The following SLIT3 variants were observed in gnomAD, a reference collection of about 807,000 sequenced individuals.
The protein encoded by SLIT3 is slit guidance ligand 3.
A neutral mutation model predicts 184.0 loss-of-function variants in SLIT3; 68 were observed. That is an observed-to-expected ratio of 0.37 (90% CI 0.30 to 0.45). The LOEUF is 0.45. SLIT3 is among the 20% of genes least tolerant of loss of function. SLIT3 has a pLI of 1.00. For synonymous variants in SLIT3, 831 were observed against 828.6 expected, an observed-to-expected ratio of 1.00 and a Z score of -0.05; for missense variants, 1,707 against 2,026.0, an observed-to-expected ratio of 0.84 and a Z score of 3.02.
intron 4 of SLIT3, among the ~76,000 whole-genome samples, chr5:168,945,577 G>T (rs1016206828): frequency 3.9e-5 from 6 of 152,166 alleles, no homozygotes; most frequent in African/African-American, 1.4e-4. Context: ...ACACATTCTG[G>T]CCTGGCCTCT....
chr5:168,958,752 A>C, intron 4 of SLIT3, among the ~76,000 whole-genome samples: 1 of 152,352 alleles, frequency 6.6e-6, no homozygotes, highest in South Asian at 2.1e-4. Flanking sequence ...GGGGCAATTC[A>C]ATGGTTTGTG....
chr5:168,973,978 G>C (rs1035071430), intron 4 of SLIT3, among the ~76,000 whole-genome samples: 1 of 152,224 alleles, frequency 6.6e-6, no homozygotes, highest in East Asian at 1.9e-4. Flanking sequence ...GAAAAATACG[G>C]GTAACTAGAA....
Position 169,091,411 on chromosome 5 carries a change from G to A in SLIT3, c.413+102068C>T, listed in dbSNP as rs76263210. On this transcript the variant is annotated intron_variant, in intron 4 of 35. Coordinates refer to ENST00000519560, the MANE Select transcript of SLIT3 (RefSeq NM_003062.4). The stretch of plus-strand genomic sequence containing the variant: ...TTCCTGACAATAAGGGGGAGCCATG[G>A]AGAAAAAGACACCTCTTCCATCCTG... 6.9e-3 allele frequency among the ~76,000 whole-genome samples: 1,056 copies of A among 152,172 alleles called. 10 individuals carry two copies. Among genetic ancestry groups the A allele is most frequent in the African/African-American group, 0.023 (948 of 41,530 alleles).
chr5:168,731,659 A>T (rs974883118), intron 20 of SLIT3, among the ~76,000 whole-genome samples: 2 of 152,106 alleles, frequency 1.3e-5, no homozygotes, highest in African/African-American at 4.8e-5. Context: ...AATATACGCA[A>T]ATCAATAAAT....
chr5:168,753,203 A>G (rs1245118617), intron 17 of SLIT3, 105 bp from the exon 18 acceptor site: 6 of 1,228,768 alleles, frequency 4.9e-6, no homozygotes, highest in East Asian at 5.0e-5. Flanking sequence ...GCTTTTGCCA[A>G]TTCTAAGCTC....
intron 4 of SLIT3, among the ~76,000 whole-genome samples, chr5:169,097,039 C>T (rs1759812627): frequency 6.6e-6 from 1 of 152,242 alleles, no homozygotes; most frequent in Non-Finnish European, 1.5e-5. Flanking sequence ...TGGACCATTT[C>T]CCCAGGAATA....
Position 169,193,411 on chromosome 5 carries a change from ACCACATCCT to A in SLIT3, c.413+59_413+67del, listed in dbSNP as rs1367831264. 10 of 1,371,138 alleles carry A rather than the reference ACCACATCCT, an allele frequency of 7.3e-6. No individual in the cohort carries two copies. The East Asian group carries it at 2.3e-4, about 31-fold the overall frequency. 84.9% of individuals were successfully genotyped at this position (1,371,138 alleles called of 1,614,324 possible). ...CTCCACACGGCACGGCGCTCCACAA[ACCACATCCT>A]CCACATCACCCAAGCCAGGCAAGGC... On this transcript the variant is annotated intron_variant, in intron 4 of 35. Coordinates refer to ENST00000519560, the MANE Select transcript of SLIT3 (RefSeq NM_003062.4).
chr5:168,789,514 C>A (rs376871926), intron 11 of SLIT3, 46 bp downstream of exon 11: 2 of 1,470,492 alleles, frequency 1.4e-6, no homozygotes, highest in Non-Finnish European at 1.9e-6. Context: ...TTCCCTCCAG[C>A]GCCCCCCCTC....
chr5:169,092,987 A>G (rs1475688377), intron 4 of SLIT3, among the ~76,000 whole-genome samples: 1 of 152,194 alleles, frequency 6.6e-6, no homozygotes, highest in Non-Finnish European at 1.5e-5. Flanking sequence ...GCTGTGTTTT[A>G]TCCAGGGCGG....
intron 5 of SLIT3, among the ~76,000 whole-genome samples, chr5:168,868,621 A>G (rs1759394411): frequency 6.6e-6 from 1 of 151,650 alleles, no homozygotes; most frequent in East Asian, 1.9e-4. Context: ...GGTGGCGGGC[A>G]CCTGTAATCC....
intron 20 of SLIT3, among the ~76,000 whole-genome samples, chr5:168,747,149 A>C (rs189271794): frequency 3.9e-4 from 60 of 152,150 alleles, no homozygotes; most frequent in African/African-American, 1.4e-3. Flanking sequence ...CCTCCCTCCT[A>C]GTGACCTGCC....
chr5:169,188,855 A>T (rs1469941709), intron 4 of SLIT3, among the ~76,000 whole-genome samples: 1 of 152,200 alleles, frequency 6.6e-6, no homozygotes, highest in Non-Finnish European at 1.5e-5. Context: ...GTAACTTGCC[A>T]AAGGTTTCAG....
chr5:169,053,046 G>A (rs1757869831), intron 4 of SLIT3, among the ~76,000 whole-genome samples: 1 of 152,228 alleles, frequency 6.6e-6, no homozygotes, highest in African/African-American at 2.4e-5. Context: ...ACAAGACCTG[G>A]ATTATGAGGG....
intron 1 of SLIT3, among the ~76,000 whole-genome samples, chr5:169,292,400 G>C (rs1049672107): frequency 3.9e-5 from 6 of 152,148 alleles, no homozygotes; most frequent in Non-Finnish European, 2.9e-5. Context: ...AGAGTATAGA[G>C]AAAATTTAGC....
intron 1 of SLIT3, among the ~76,000 whole-genome samples, chr5:169,291,882 G>A (rs563485473): frequency 3.3e-5 from 5 of 152,172 alleles, no homozygotes; most frequent in East Asian, 1.9e-4. Context: ...CCTCTCTGAC[G>A]TAGTTGCCAC....
At position 168,816,054 on chromosome 5, in the gene SLIT3, G is replaced by T. The variant is rs115657749; in HGVS notation, c.793+1246C>A. Among the ~76,000 whole-genome samples, 1,309 of 151,974 alleles carry T rather than the reference G, an allele frequency of 8.6e-3. 19 individuals are homozygous for T. Among genetic ancestry groups the T allele is most frequent in the African/African-American group, 0.029 (1,208 of 41,430 alleles). On this transcript the variant is annotated intron_variant, in intron 8 of 35. Transcript: ENST00000519560. ...CAACTGAATGCTTTCTGTTTTTTTT[G>T]TTTGTTTGTTTTTTTAGGAAGTCAA...
chr5:169,013,445 AT>A (rs1756237879), intron 4 of SLIT3: 1 of 152,238 alleles, frequency 6.6e-6, no homozygotes, highest in East Asian at 1.9e-4. Flanking sequence ...GGAAGCCGAA[AT>A]GGAGCAAAAT....
chr5:169,070,894 C>T (rs1758523338), intron 4 of SLIT3, among the ~76,000 whole-genome samples: 1 of 151,854 alleles, frequency 6.6e-6, no homozygotes, highest in African/African-American at 2.4e-5. Flanking sequence ...TTTAGAATCA[C>T]ATGTTGCTGA....
rs375841282 is a variant in SLIT3, at chr5:169,000,055, C to T, written c.414-116719G>A. Reference sequence around the variant, plus strand: ...TAAAATCAGTGCTCAACAAATACTGCGATCATTATTGACGACAAAAAATCA... The same window carrying T: ...TAAAATCAGTGCTCAACAAATACTGTGATCATTATTGACGACAAAAAATCA... On this transcript the variant is annotated intron_variant, in intron 4 of 35. Coordinates refer to ENST00000519560, the MANE Select transcript of SLIT3 (RefSeq NM_003062.4). Among the ~76,000 whole-genome samples, 34 of 152,146 alleles carry T rather than the reference C, an allele frequency of 2.2e-4. 1 individual carries two copies. The highest frequency in any genetic ancestry group is 7.0e-4 in the African/African-American group (29 of 41,462).
Sources: allele counts gnomAD v4.1 joint callset (sites outside exome capture counted in the v4.1 genomes callset), GRCh38; gene constraint gnomAD v4.1.1; transcripts MANE v1.5; gene names NCBI Gene and HGNC (gene_info 2026-07-23, HGNC 2026-07-21).